The following PTPRU variants were observed in gnomAD, a reference collection of about 807,000 sequenced individuals.
PTPRU encodes receptor-type tyrosine-protein phosphatase U.
In PTPRU, 69 loss-of-function variants were observed where a neutral mutation model predicts 166.3. The observed-to-expected ratio is 0.41, with a 90% confidence interval of 0.34 to 0.51. The LOEUF is 0.51. PTPRU is among the 20% of genes least tolerant of loss of function. PTPRU has a pLI of 0.09. For synonymous variants in PTPRU, 793 were observed against 814.0 expected, an observed-to-expected ratio of 0.97 and a Z score of 0.44; for missense variants, 1,657 against 2,013.7, an observed-to-expected ratio of 0.82 and a Z score of 3.39.
At chr1:29,321,678 G>A (rs778777250) in intron 26 of PTPRU, among the ~76,000 whole-genome samples, 1 of 152,232 alleles carries the variant, frequency 6.6e-6, no homozygotes, top group East Asian at 1.9e-4. Flanking sequence ...TTCCTTCTCT[G>A]TAAAATGGGG....
At chr1:29,289,299 A>C (rs1323485176) in intron 14 of PTPRU, among the ~76,000 whole-genome samples, 1 of 152,078 alleles carries the variant, frequency 6.6e-6, no homozygotes, top group East Asian at 1.9e-4. Context: ...GCATGTCTGC[A>C]CCTGTGTGTC....
chr1:29,317,803 T>C lies in PTPRU; in HGVS notation c.3569T>C (p.Leu1190Ser), dbSNP rs774112678. The stretch of plus-strand genomic sequence containing the variant: ...GTGGAGGAGTGCAGCATCGCCCTGT[T>C]GCCCCGGAACCGCGACAAGAACCGC... ...LDVEECSIAL[L>S]PRNRDKNRSM... Residue 1190 changes from leucine (L) to serine (S), a missense_variant, in exon 25 of 30, where the codon TTG becomes TCG. Transcript: ENST00000373779. This position sits in a 1 kb window ranked among gnomAD's most constrained non-coding sequence, Gnocchi z 5.6. The C allele has an allele frequency of 5.9e-5, 95 of 1,613,156 alleles. No individual in the cohort carries two copies. The highest frequency in any genetic ancestry group is 8.0e-5 in the Non-Finnish European group (94 of 1,180,028).
Position 29,303,970 on chromosome 1 carries a change from G to A in PTPRU, c.2592G>A (p.Val864=). The A allele has an allele frequency of 6.2e-7, 1 of 1,613,824 alleles. No individual in the cohort carries two copies. The highest frequency in any genetic ancestry group is 1.1e-5 in the South Asian group (1 of 91,072). Residue 864 remains valine (V), a synonymous_variant, in exon 16 of 30, where the codon GTG becomes GTA. Coordinates refer to ENST00000373779, the MANE Select transcript of PTPRU (RefSeq NM_133178.4). ...PYHTGQLHPA[V]RVADLLQHIN... is the part of the protein sequence containing the mutation. ...ACACGGGGCAGCTGCACCCTGCGGT[G>A]CGTGTCGCAGACCTTCTGCAGCACA...
intron 15 of PTPRU, among the ~76,000 whole-genome samples, chr1:29,300,883 T>C (rs1687103496): frequency 6.6e-6 from 1 of 152,194 alleles, no homozygotes; most frequent in African/African-American, 2.4e-5. Flanking sequence ...CCTGCATTCA[T>C]TCTACCAGTT....
At position 29,303,739 on chromosome 1, in the gene PTPRU, C is replaced by T. The variant is rs545554801; in HGVS notation, c.2477-116C>T. 5.2e-6 allele frequency: 6 copies of T among 1,156,082 alleles called. No individual in the cohort carries two copies. In the African/African-American group the frequency reaches 7.8e-5, roughly 15 times the overall value. The allele number at this position is 1,156,082 out of a possible 1,614,324, so 71.6% of individuals were successfully genotyped here. ...TAGGCTGCTTGGCTCCAGCCAACAA[C>T]CCAGCTATGCTTGGCATTGGCTGTG... On this transcript the variant is annotated intron_variant, in intron 15 of 29. Coordinates refer to ENST00000373779, the MANE Select transcript of PTPRU (RefSeq NM_133178.4).
intron 1 of PTPRU, among the ~76,000 whole-genome samples, chr1:29,250,165 T>C (rs1401914827): frequency 6.6e-6 from 1 of 152,094 alleles, no homozygotes; most frequent in Non-Finnish European, 1.5e-5. Context: ...GACCCCCTCT[T>C]GTGGCCTTGA....
rs1168069368 is a variant in PTPRU at position 29,316,167 on chromosome 1, G to A, written c.3513+16G>A. On this transcript the variant is annotated intron_variant, in intron 24 of 29. Transcript: ENST00000373779. ...AGAGTTCCAGGTGGGGGATGAGTGC[G>A]TGTGTATAGGTGTGTGTGTGTGTGT... The A allele has an allele frequency of 1.2e-6, 2 of 1,609,264 alleles. No individual in the cohort carries two copies. Among genetic ancestry groups the A allele is most frequent in the Non-Finnish European group, 1.7e-6 (2 of 1,176,374 alleles).
In PTPRU at chr1:29,323,507, T is replaced by C; in HGVS notation, c.3954+11T>C. The stretch of plus-strand genomic sequence containing the variant: ...CAGAACATCTCTCGGGTGAGTGGTC[T>C]GAGGAGCCCCAGGGAAGGACCCTGG... On this transcript the variant is annotated intron_variant, in intron 27 of 29. Coordinates refer to ENST00000373779, the MANE Select transcript of PTPRU (RefSeq NM_133178.4). The C allele has an allele frequency of 6.2e-7, 1 of 1,611,580 alleles. No individual in the cohort carries two copies. The highest frequency in any genetic ancestry group is 8.5e-7 in the Non-Finnish European group (1 of 1,178,988).
chr1:29,260,937 T>C lies in PTPRU; in HGVS notation c.1144+34T>C. On this transcript the variant is annotated intron_variant, in intron 7 of 29. Coordinates refer to ENST00000373779, the MANE Select transcript of PTPRU (RefSeq NM_133178.4). This position sits in a 1 kb window ranked among gnomAD's most constrained non-coding sequence, Gnocchi z 8.3. ...AGCAGCTACCCCTGGCCTCAGTCTCTGGTGGGCCCAGGGCTATGGAGGGGC... is the reference window on the plus strand; with the variant it reads ...AGCAGCTACCCCTGGCCTCAGTCTCCGGTGGGCCCAGGGCTATGGAGGGGC... 14 of 1,501,926 alleles carry C rather than the reference T, an allele frequency of 9.3e-6. No homozygotes were observed. Among genetic ancestry groups the C allele is most frequent in the Non-Finnish European group, 1.1e-5 (13 of 1,131,028 alleles). 93.0% of individuals were successfully genotyped at this position (1,501,926 alleles called of 1,614,324 possible).
chr1:29,280,682 T>C lies in PTPRU; in HGVS notation c.1868+541T>C, dbSNP rs4518865. Among the ~76,000 whole-genome samples, 45,236 of 150,528 alleles carry C rather than the reference T, an allele frequency of 0.3. 8,701 individuals are homozygous for C. The highest frequency in any genetic ancestry group is 0.67 in the East Asian group (3,353 of 5,036). ...GTGTGTGTGTGTGTGTGTGTGTGTA[T>C]GTGGGATGTGAAACTGGGTGTGTCT... On this transcript the variant is annotated intron_variant, in intron 11 of 29. Transcript: ENST00000373779. The surrounding 1 kb of genome is among the most constrained non-coding windows in gnomAD (Gnocchi z 4.2).
rs771050084 is a variant in PTPRU, at chr1:29,259,360, G to A, written c.559+18G>A. ...CCCCTGCGGTGAGTCCCAGCCCACT[G>A]GGGGCGCAGGGGTAAGGGGTGTGGG... On this transcript the variant is annotated intron_variant, in intron 4 of 29. Transcript: ENST00000373779. 6.2e-7 allele frequency: 1 copy of A among 1,612,768 alleles called. No homozygotes were observed. The highest frequency in any genetic ancestry group is 1.7e-5 in the Admixed American group (1 of 59,968).
At chr1:29,244,704 C>G (rs1301526388) in intron 1 of PTPRU, among the ~76,000 whole-genome samples, 1 of 152,130 alleles carries the variant, frequency 6.6e-6, no homozygotes, top group Non-Finnish European at 1.5e-5. Context: ...AAGTTACTGA[C>G]CTCTCTGGGC....
chr1:29,304,781 T>C lies in PTPRU; in HGVS notation c.2675T>C (p.Phe892Ser). The change falls in exon 17 of 30, where the codon TTT (phenylalanine) becomes TCT (serine). Residue 892 changes from phenylalanine (F) to serine (S), a missense_variant. Phe to Ser is a radical substitution (Grantham distance 155, BLOSUM62 -2). Around this residue, in one of 3 missense-constraint regions of PTPRU, gnomAD observed 1,190 missense variants for 1,477.4 expected, o/e 0.81. Coordinates refer to ENST00000373779, the MANE Select transcript of PTPRU (RefSeq NM_133178.4). ...YGFKQEYESF[F>S]EGWDATKKKD... Reference sequence around the variant, plus strand: ...CACTTTTCTTTCTGGTAGAGCTTCTTTGAAGGCTGGGACGCCACAAAGAAG... The same window carrying C: ...CACTTTTCTTTCTGGTAGAGCTTCTCTGAAGGCTGGGACGCCACAAAGAAG... 6.2e-7 allele frequency: 1 copy of C among 1,609,842 alleles called. No individual in the cohort carries two copies. Among genetic ancestry groups the C allele is most frequent in the Non-Finnish European group, 8.5e-7 (1 of 1,176,734 alleles).
In PTPRU at chr1:29,287,133, G is replaced by A. The variant is rs2151955865; in HGVS notation, c.2318+2264G>A. On this transcript the variant is annotated intron_variant, in intron 14 of 29. Coordinates refer to ENST00000373779, the MANE Select transcript of PTPRU (RefSeq NM_133178.4). ...CGCCCCCAGGAGGGAGTCCCAGGGG[G>A]ATTATGGGTAATAGAGGCCAGCTGG... Among the ~76,000 whole-genome samples, 2 of 152,192 alleles carry A rather than the reference G, an allele frequency of 1.3e-5. 1 individual carries two copies. Among genetic ancestry groups the A allele is most frequent in the Middle Eastern group, 6.8e-3 (2 of 294 alleles).
chr1:29,265,901 C>G (rs1685277294), intron 7 of PTPRU, among the ~76,000 whole-genome samples: 2 of 149,590 alleles, frequency 1.3e-5, no homozygotes. Context: ...GAACTATTTT[C>G]AATTTTGATG....
Position 29,236,601 on chromosome 1 carries a change from C to T in PTPRU, c.-44C>T, listed in dbSNP as rs1683772387. ...GGCTGGGCTCGGGCTCCGGGGGCGG[C>T]GTCCCCCGCGCCGGGCCCCGGGACG... On this transcript the variant is annotated 5_prime_UTR_variant, in exon 1 of 30. Transcript: ENST00000373779. The surrounding 1 kb of genome is among the most constrained non-coding windows in gnomAD (Gnocchi z 4.6). 4.1e-6 allele frequency: 5 copies of T among 1,207,880 alleles called. No individual in the cohort carries two copies. Among genetic ancestry groups the T allele is most frequent in the East Asian group, 3.4e-5 (1 of 29,662 alleles). The allele number at this position is 1,207,880 out of a possible 1,614,324, so 74.8% of individuals were successfully genotyped here.
rs148576165 is a variant in PTPRU at position 29,306,999 on chromosome 1, C to T, written c.2820+1571C>T. On this transcript the variant is annotated intron_variant, in intron 18 of 29. Coordinates refer to ENST00000373779, the MANE Select transcript of PTPRU (RefSeq NM_133178.4). ...GTGGCTCAGCCCAGCCCGGCCTGCC[C>T]GTCTCCGCTCTGCCTGCCCTGCTCA... The T allele has an allele frequency of 2.4e-3, 2,513 of 1,059,460 alleles. 25 individuals are homozygous for T. The highest frequency in any genetic ancestry group is 0.023 in the African/African-American group (1,486 of 63,896). 65.6% of individuals were successfully genotyped at this position (1,059,460 alleles called of 1,614,324 possible).
intron 25 of PTPRU, among the ~76,000 whole-genome samples, chr1:29,319,933 C>A (rs1055679983): frequency 6.6e-6 from 1 of 152,164 alleles, no homozygotes; most frequent in Non-Finnish European, 1.5e-5. Flanking sequence ...GCCAGCCCCC[C>A]TGGCAGGACG....
intron 15 of PTPRU, among the ~76,000 whole-genome samples, chr1:29,300,469 G>C (rs1430029856): frequency 1.3e-5 from 2 of 152,134 alleles, no homozygotes; most frequent in Non-Finnish European, 1.5e-5. Context: ...TCCTCCTCTT[G>C]CTCTTCTTTT....
Sources: gnomAD v4.1 joint callset for allele counts (sites outside exome capture counted in the v4.1 genomes callset) on GRCh38, gnomAD v4.1.1 for gene constraint, gnomAD v4.1.1 regional missense constraint, Gnocchi (gnomAD v3.1) non-coding constraint, MANE v1.5 for transcripts, NCBI Gene and HGNC (gene_info 2026-07-23, HGNC 2026-07-21) for gene names.